HPSE: variants seen among roughly 807,000 people sequenced by gnomAD.
The protein encoded by HPSE is heparanase.
Under a neutral mutation model 65.1 loss-of-function variants are expected in HPSE, and 48 were observed. The ratio of observed to expected loss-of-function variants is 0.74; its 90% CI spans 0.58 to 0.94. The LOEUF is 0.94. Ranked by LOEUF, HPSE falls within the 40% of genes least tolerant of loss-of-function variation. The pLI, the probability that HPSE is intolerant of heterozygous loss-of-function variation, is 0.00. For missense variants in HPSE, 644 were observed against 637.5 expected (o/e 1.01, Z -0.11); for synonymous variants, 243 against 260.0 (o/e 0.93, Z 0.63).
At chr4:83,309,895 G>T in intron 6 of HPSE, 136 bp downstream of exon 6, 1 of 610,008 alleles carries the variant, frequency 1.6e-6, no homozygotes, top group Non-Finnish European at 2.9e-6. Context: ...TTGGAGTACA[G>T]TGCTACTTGA....
In HPSE at chr4:83,313,174, G is replaced by A. The variant is rs1264716914; in HGVS notation, c.613C>T (p.Gln205Ter). Reference protein sequence around the residue: ...ADLQWNSSNAQLLLDYCSSKG... With the variant: ...ADLQWNSSNA ...GAAGAGCAGTAGTCCAGGAGCAACT[G>A]AGCATTAGAACTGTTCCACTGCAAA... Residue 205 changes from glutamine to a stop codon, truncating the protein, a stop_gained, in exon 4 of 12, where the codon CAG (glutamine) becomes TAG (stop). Transcript: ENST00000311412. LOFTEE classifies it high-confidence loss of function. 34 of 1,613,658 alleles carry A rather than the reference G, an allele frequency of 2.1e-5. No homozygotes were observed. The highest frequency in any genetic ancestry group is 2.2e-5 in the South Asian group (2 of 91,074).
intron 1 of HPSE, among the ~76,000 whole-genome samples, chr4:83,331,824 A>G (rs1343630660): frequency 6.6e-6 from 1 of 152,150 alleles, no homozygotes; most frequent in Non-Finnish European, 1.5e-5. Flanking sequence ...TTTCCAAACA[A>G]TCTTTTTCTA....
intron 11 of HPSE, 31 bp from the exon 12 acceptor site, chr4:83,295,534 C>G (rs771371566): frequency 1.5e-5 from 23 of 1,521,714 alleles, no homozygotes. Context: ...CCGAGTTAAC[C>G]AAGTGGTGCA....
At chr4:83,312,750 C>T (rs1162136577) in intron 4 of HPSE, among the ~76,000 whole-genome samples, 2 of 136,806 alleles carry the variant, frequency 1.5e-5, no homozygotes, top group Non-Finnish European at 3.1e-5. Flanking sequence ...GTAATCCCAG[C>T]ACTTTGGGAG....
At chr4:83,299,812 C>T (rs1298204278) in intron 11 of HPSE, among the ~76,000 whole-genome samples, 2 of 152,016 alleles carry the variant, frequency 1.3e-5, no homozygotes. Flanking sequence ...TCAAGCAATC[C>T]TCCCACCTCA....
chr4:83,297,921 G>A (rs944848629), intron 11 of HPSE, among the ~76,000 whole-genome samples: 1 of 152,168 alleles, frequency 6.6e-6, no homozygotes, highest in African/African-American at 2.4e-5. Flanking sequence ...ACACACAAAA[G>A]TTTTAGATAT....
chr4:83,296,754 T>A (rs1020887965), intron 11 of HPSE, among the ~76,000 whole-genome samples: 1 of 152,042 alleles, frequency 6.6e-6, no homozygotes, highest in Non-Finnish European at 1.5e-5. Context: ...AGGTAATACA[T>A]GTAAAGTATG....
intron 9 of HPSE, among the ~76,000 whole-genome samples, chr4:83,303,345 T>C (rs11099590): frequency 1.3e-5 from 2 of 152,056 alleles, no homozygotes; most frequent in African/African-American, 4.8e-5. Context: ...GAGGGAGGAA[T>C]AACTTAAAGA....
At position 83,310,702 on chromosome 4, in the gene HPSE, C is replaced by A; in HGVS notation, c.842+20G>T. On this transcript the variant is annotated intron_variant, in intron 5 of 11. Transcript: ENST00000311412. ...GAAAAAGAAGAAAAGTAAAGTGATT[C>A]TGCATCCTCTAGTTCCTACCTCTTC... 6.3e-7 allele frequency: 1 copy of A among 1,582,612 alleles called. No homozygotes were observed.
At chr4:83,323,296 A>G (rs1736999618) in intron 1 of HPSE, among the ~76,000 whole-genome samples, 1 of 152,194 alleles carries the variant, frequency 6.6e-6, no homozygotes. Context: ...GTACACCGAC[A>G]GTGAACCCTG....
chr4:83,320,995 T>C (rs1736869015), intron 2 of HPSE, among the ~76,000 whole-genome samples: 1 of 151,974 alleles, frequency 6.6e-6, no homozygotes, highest in Non-Finnish European at 1.5e-5. Context: ...AGTGCAGGAG[T>C]TTGAGATCAG....
At chr4:83,333,238 A>G (rs1445036833) in intron 1 of HPSE, among the ~76,000 whole-genome samples, 1 of 152,214 alleles carries the variant, frequency 6.6e-6, no homozygotes, top group Non-Finnish European at 1.5e-5. Context: ...AAACACTGAG[A>G]AGCTCTTACC....
chr4:83,310,921 C>A, intron 4 of HPSE, 31 bp from the exon 5 acceptor site: 5 of 1,540,028 alleles, frequency 3.2e-6, no homozygotes, highest in South Asian at 2.3e-5. Context: ...AAATATATAT[C>A]GAGAAATGTT....
At chr4:83,321,850 T>TG (rs759664186) in intron 2 of HPSE, among the ~76,000 whole-genome samples, 3 of 152,186 alleles carry the variant, frequency 2.0e-5, no homozygotes, top group Non-Finnish European at 2.9e-5. Context: ...TCTATCATTG[T>TG]GTCTTTGGCT....
intron 1 of HPSE, among the ~76,000 whole-genome samples, chr4:83,332,728 G>T (rs1258897337): frequency 4.6e-5 from 7 of 152,212 alleles, no homozygotes; most frequent in Admixed American, 4.6e-4. Context: ...CTTGACTGCT[G>T]GGTGATCAGG....
intron 11 of HPSE, among the ~76,000 whole-genome samples, chr4:83,296,430 T>TTGGGAGGCTGAGGCAGGCAGATC (rs1735724150): frequency 6.6e-6 from 1 of 152,162 alleles, no homozygotes; most frequent in Non-Finnish European, 1.5e-5. Flanking sequence ...TCCCAGCACT[T>TTGGGAGGCTGAGGCAGGCAGATC]TGGGAGGCTG....
chr4:83,334,238 T>G (rs147316508), intron 1 of HPSE, among the ~76,000 whole-genome samples: 211 of 152,220 alleles, frequency 1.4e-3, no homozygotes, highest in African/African-American at 4.8e-3. Flanking sequence ...AATTACCTAT[T>G]AGATACAATG....
At chr4:83,296,632 A>C (rs1735732558) in intron 11 of HPSE, among the ~76,000 whole-genome samples, 1 of 151,506 alleles carries the variant, frequency 6.6e-6, no homozygotes, top group Non-Finnish European at 1.5e-5. Flanking sequence ...CCGAGATTGC[A>C]CCACTGCACT....
In HPSE at chr4:83,302,367, G is replaced by A. The variant is rs1735984972; in HGVS notation, c.1207-99C>T. On this transcript the variant is annotated intron_variant, in intron 9 of 11. Transcript: ENST00000311412. Reference sequence around the variant, plus strand: ...CAAGCAAATAGTTATCCTACAAAGAGTATCACTGTTATCCTGGGGGCATTT... The same window carrying A: ...CAAGCAAATAGTTATCCTACAAAGAATATCACTGTTATCCTGGGGGCATTT... 19 of 724,382 alleles carry A rather than the reference G, an allele frequency of 2.6e-5. 1 individual carries two copies. The South Asian group carries it at 3.3e-4, about 12-fold the overall frequency. 44.9% of individuals were successfully genotyped at this position (724,382 alleles called of 1,614,324 possible).
Sources: gnomAD v4.1 joint callset for allele counts (sites outside exome capture counted in the v4.1 genomes callset) on GRCh38, gnomAD v4.1.1 for gene constraint, MANE v1.5 for transcripts, NCBI Gene and HGNC (gene_info 2026-07-23, HGNC 2026-07-21) for gene names.